The following ATXN8OS variants were observed in gnomAD, a reference collection of about 807,000 sequenced individuals.
The protein encoded by ATXN8OS is ATXN8 opposite strand (non-protein coding).
At chr13:70,148,802 A>G (rs566068880) in intron 4 of ATXN8OS, among the ~76,000 whole-genome samples, 7 of 152,212 alleles carry the variant, frequency 4.6e-5, no homozygotes, top group African/African-American at 1.2e-4. Context: ...GCAAATGAAA[A>G]TATGTGATCT....
intron 2 of ATXN8OS, among the ~76,000 whole-genome samples, chr13:70,126,253 T>C (rs995331615): frequency 6.6e-6 from 1 of 152,218 alleles, no homozygotes. Context: ...GTAATAGATA[T>C]GTATACATAA....
chr13:70,118,810 T>A (rs926456107), intron 2 of ATXN8OS, among the ~76,000 whole-genome samples: 1 of 149,576 alleles, frequency 6.7e-6, no homozygotes, highest in Admixed American at 6.8e-5. Flanking sequence ...ATTTATTATT[T>A]CTGATATACT....
At chr13:70,155,883 C>A (rs970800251) in intron 4 of ATXN8OS, among the ~76,000 whole-genome samples, 1 of 150,290 alleles carries the variant, frequency 6.7e-6, no homozygotes, top group Non-Finnish European at 1.5e-5. Context: ...TGTTTTATTT[C>A]TTGCTACTCC....
intron 4 of ATXN8OS, among the ~76,000 whole-genome samples, chr13:70,154,254 C>T (rs753510877): frequency 9.2e-5 from 14 of 152,176 alleles, no homozygotes; most frequent in Non-Finnish European, 1.5e-4. Context: ...CAAGTAGAAT[C>T]TCTTTTCAGT....
intron 4 of ATXN8OS, among the ~76,000 whole-genome samples, chr13:70,165,549 C>T (rs900177483): frequency 2.0e-5 from 3 of 151,836 alleles, no homozygotes; most frequent in Non-Finnish European, 4.4e-5. Flanking sequence ...TATATTTATG[C>T]CAAGATCAAT....
At chr13:70,165,701 A>T (rs1593779597) in intron 4 of ATXN8OS, among the ~76,000 whole-genome samples, 1 of 152,072 alleles carries the variant, frequency 6.6e-6, no homozygotes, top group African/African-American at 2.4e-5. Context: ...GATAGAGCTC[A>T]GGGAAGCAAA....
At chr13:70,171,332 C>A (rs1421800782) in exon 5 of ATXN8OS, among the ~76,000 whole-genome samples, 8 of 151,982 alleles carry the variant, frequency 5.3e-5, no homozygotes, top group Admixed American at 5.2e-4. Context: ...TTGGGCGTAA[C>A]TTTAAGGAAG....
At chr13:70,125,520 G>C (rs1451527473) in intron 2 of ATXN8OS, among the ~76,000 whole-genome samples, 1 of 152,042 alleles carries the variant, frequency 6.6e-6, no homozygotes, top group Non-Finnish European at 1.5e-5. Context: ...CTCCAGGTTT[G>C]TTTGTTCGAA....
intron 4 of ATXN8OS, among the ~76,000 whole-genome samples, chr13:70,161,289 G>A (rs970541768): frequency 1.3e-5 from 2 of 151,970 alleles, no homozygotes; most frequent in African/African-American, 4.8e-5. Context: ...CTACTATTTT[G>A]CCTCATTTAC....
chr13:70,114,696 G>T (rs190665615), intron 1 of ATXN8OS, among the ~76,000 whole-genome samples: 1 of 151,976 alleles, frequency 6.6e-6, no homozygotes, highest in Non-Finnish European at 1.5e-5. Flanking sequence ...AACTAAGAAA[G>T]GAACTATTAT....
intron 1 of ATXN8OS, among the ~76,000 whole-genome samples, chr13:70,109,939 T>C (rs1010486859): frequency 6.6e-6 from 1 of 152,204 alleles, no homozygotes; most frequent in African/African-American, 2.4e-5. Context: ...TTTAAAATAA[T>C]ATAAAATAAC....
intron 1 of ATXN8OS, among the ~76,000 whole-genome samples, chr13:70,110,658 C>A (rs996076957): frequency 6.6e-5 from 10 of 151,838 alleles, no homozygotes; most frequent in African/African-American, 2.4e-4. Flanking sequence ...CTTAACCTGG[C>A]ATATTAGATA....
chr13:70,137,160 A>G (rs994122157), intron 3 of ATXN8OS, among the ~76,000 whole-genome samples: 1 of 152,180 alleles, frequency 6.6e-6, no homozygotes, highest in Non-Finnish European at 1.5e-5. Flanking sequence ...ATAAAACAAT[A>G]ATCATTAATA....
At chr13:70,166,740 C>T (rs375677995) in intron 4 of ATXN8OS, among the ~76,000 whole-genome samples, 2 of 152,014 alleles carry the variant, frequency 1.3e-5, no homozygotes, top group African/African-American at 4.8e-5. Flanking sequence ...GCAACCTACA[C>T]AATGGGAGAA....
intron 2 of ATXN8OS, among the ~76,000 whole-genome samples, chr13:70,121,580 G>T (rs1888360747): frequency 1.3e-5 from 2 of 151,996 alleles, no homozygotes; most frequent in African/African-American, 4.8e-5. Flanking sequence ...CAGTAACAAG[G>T]TTCAGAAATA....
chr13:70,107,589 GC>G, upstream of ATXN8OS: 2 of 1,602,288 alleles, frequency 1.2e-6, no homozygotes, highest in Non-Finnish European at 1.7e-6. Flanking sequence ...CCTGTTGCAG[GC>G]AGCCTCCCCC....
chr13:70,107,613 G>A, upstream of ATXN8OS: 1 of 1,587,496 alleles, frequency 6.3e-7, no homozygotes, highest in Non-Finnish European at 8.6e-7. Flanking sequence ...CCGGGCCGCC[G>A]GTGGAAGGAG....
At chr13:70,170,644 A>AAC (rs2137510402) in exon 5 of ATXN8OS, among the ~76,000 whole-genome samples, 1 of 152,294 alleles carries the variant, frequency 6.6e-6, no homozygotes, top group Admixed American at 6.5e-5. Flanking sequence ...GGTTTTTATG[A>AAC]TATGCGAATA....
chr13:70,170,952 A>T lies in ATXN8OS; in HGVS notation n.1773A>T, dbSNP rs562088763. Among the ~76,000 whole-genome samples the T allele has an allele frequency of 3.9e-4, 60 of 152,260 alleles. 1 individual carries two copies. The highest frequency in any genetic ancestry group is 1.3e-3 in the African/African-American group (55 of 41,564). ...GGTGACTGTATGTGTATCTAAACGT[A>T]TGTAAACATAGAGGAAGTACAGTAA... On this transcript the variant is annotated non_coding_transcript_exon_variant, in exon 5 of 5. Transcript: ENST00000678624.
Sources: gnomAD v4.1 joint callset for allele counts (sites outside exome capture counted in the v4.1 genomes callset) on GRCh38, gnomAD v4.1.1 for gene constraint, MANE v1.5 for transcripts, NCBI Gene and HGNC (gene_info 2026-07-23, HGNC 2026-07-21) for gene names.